CDK8: variants seen among roughly 807,000 people sequenced by gnomAD.
The protein encoded by CDK8 is cyclin-dependent kinase 8.
In CDK8, 29 loss-of-function variants were observed where a neutral mutation model predicts 71.5. The ratio of observed to expected loss-of-function variants is 0.41; its 90% CI spans 0.30 to 0.55. The LOEUF (loss-of-function observed/expected upper bound fraction) is 0.55, where lower values mean the gene tolerates loss of function less well. CDK8 is among the 20% of genes least tolerant of loss of function. The pLI, the probability that CDK8 is intolerant of heterozygous loss-of-function variation, is 0.37. For synonymous variants in CDK8, 161 were observed against 192.1 expected, an observed-to-expected ratio of 0.84 and a Z score of 1.34; for missense variants, 288 against 572.6, an observed-to-expected ratio of 0.50 and a Z score of 5.07.
chr13:26,324,889 C>A, intron 1 of CDK8: 1 of 359,134 alleles, frequency 2.8e-6, no homozygotes, highest in Non-Finnish European at 3.9e-6. Context: ...ATAACTGAAA[C>A]AGACAAGAAA....
At chr13:26,345,028 G>A (rs61076561) in intron 2 of CDK8, among the ~76,000 whole-genome samples, 5,374 of 152,246 alleles carry the variant, frequency 0.035, 307 homozygotes, top group African/African-American at 0.12. Flanking sequence ...ATACATGTAT[G>A]TATACCAGCA....
At chr13:26,263,938 G>A (rs142521132) in intron 1 of CDK8, among the ~76,000 whole-genome samples, 129 of 151,444 alleles carry the variant, frequency 8.5e-4, no homozygotes, top group African/African-American at 2.8e-3. Flanking sequence ...TAGTAGAGAC[G>A]GGGTTTCATC....
At chr13:26,366,706 T>A (rs1874404787) in intron 4 of CDK8, among the ~76,000 whole-genome samples, 1 of 152,180 alleles carries the variant, frequency 6.6e-6, no homozygotes, top group African/African-American at 2.4e-5. Context: ...TATTCTAATT[T>A]CCAGTCTTTT....
At chr13:26,370,846 A>G (rs1874630676) in intron 4 of CDK8, among the ~76,000 whole-genome samples, 1 of 152,238 alleles carries the variant, frequency 6.6e-6, no homozygotes, top group Admixed American at 6.5e-5. Context: ...AAATGTTTAT[A>G]ATGATCTAAC....
At chr13:26,319,851 G>C (rs896188919) in intron 1 of CDK8, among the ~76,000 whole-genome samples, 2 of 151,992 alleles carry the variant, frequency 1.3e-5, no homozygotes, top group South Asian at 2.1e-4. Flanking sequence ...AAAATAATAC[G>C]GTACTGGCAT....
chr13:26,363,850 T>C (rs1874260375), intron 4 of CDK8, among the ~76,000 whole-genome samples: 1 of 152,148 alleles, frequency 6.6e-6, no homozygotes, highest in Admixed American at 6.5e-5. Context: ...TCAAACTCAG[T>C]TTCATAGGGC....
At chr13:26,344,554 CAGG>C (rs1311530321) in intron 2 of CDK8, among the ~76,000 whole-genome samples, 1 of 152,066 alleles carries the variant, frequency 6.6e-6, no homozygotes, top group Non-Finnish European at 1.5e-5. Flanking sequence ...CACTGGAGGC[CAGG>C]AGTTCGAGAC....
rs1194544326 is a variant in CDK8, at chr13:26,404,095, C to G, written c.*14C>G. 1 of 1,613,398 alleles carries G rather than the reference C, an allele frequency of 6.2e-7. No individual in the cohort carries two copies. The highest frequency in any genetic ancestry group is 1.1e-5 in the South Asian group (1 of 91,018). ...CATCGGTACTGAGCTGCATCGGAAT[C>G]TTGTCCATGCACTGTTGCGAATGCT... On this transcript the variant is annotated 3_prime_UTR_variant, in exon 13 of 13. Transcript: ENST00000381527.
intron 4 of CDK8, among the ~76,000 whole-genome samples, chr13:26,374,200 C>CA (rs1411732740): frequency 1.1e-4 from 16 of 150,310 alleles, no homozygotes; most frequent in South Asian, 2.1e-4. Context: ...GACTCCATCT[C>CA]AAAAAAAAAT....
chr13:26,330,690 G>T (rs1008255632), intron 1 of CDK8, among the ~76,000 whole-genome samples: 1 of 151,190 alleles, frequency 6.6e-6, no homozygotes, highest in Non-Finnish European at 1.5e-5. Context: ...GTCTTTTCGC[G>T]TCTGGCTTAT....
chr13:26,367,778 C>T (rs888004351), intron 4 of CDK8, among the ~76,000 whole-genome samples: 2 of 152,150 alleles, frequency 1.3e-5, no homozygotes, highest in Non-Finnish European at 2.9e-5. Context: ...GTTAGCTCTT[C>T]CTTCAAAACA....
chr13:26,317,043 T>G (rs968813032), intron 1 of CDK8, among the ~76,000 whole-genome samples: 6 of 152,132 alleles, frequency 3.9e-5, no homozygotes, highest in Non-Finnish European at 7.4e-5. Context: ...ATGGAAATGG[T>G]ATCAAGTATG....
At chr13:26,272,431 C>T (rs1872373623) in intron 1 of CDK8, among the ~76,000 whole-genome samples, 2 of 152,182 alleles carry the variant, frequency 1.3e-5, no homozygotes, top group South Asian at 2.1e-4. Flanking sequence ...TCTTGTCCCC[C>T]TGGAAGGTCT....
At chr13:26,373,657 TTAAA>T (rs1365660671) in intron 4 of CDK8, among the ~76,000 whole-genome samples, 15 of 152,120 alleles carry the variant, frequency 9.9e-5, no homozygotes, top group African/African-American at 3.1e-4. Flanking sequence ...TTTGATAAGT[TTAAA>T]TAATGTTTCA....
intron 4 of CDK8, among the ~76,000 whole-genome samples, chr13:26,354,581 G>A (rs958969114): frequency 2.0e-5 from 3 of 152,094 alleles, no homozygotes; most frequent in East Asian, 3.9e-4. Context: ...CCTGAGCTCC[G>A]CCTCCTGTCA....
chr13:26,261,243 T>C (rs1420653445), intron 1 of CDK8, among the ~76,000 whole-genome samples: 2 of 152,222 alleles, frequency 1.3e-5, no homozygotes, highest in Non-Finnish European at 2.9e-5. Flanking sequence ...CCTTTACTGA[T>C]GGAGTTATGT....
intron 1 of CDK8, among the ~76,000 whole-genome samples, chr13:26,317,838 A>C (rs1874585221): frequency 1.3e-5 from 2 of 152,194 alleles, no homozygotes; most frequent in Admixed American, 1.3e-4. Context: ...TACCTTAAAA[A>C]ACAAGAAAGA....
intron 1 of CDK8, among the ~76,000 whole-genome samples, chr13:26,322,395 T>C (rs1874817025): frequency 6.6e-6 from 1 of 152,156 alleles, no homozygotes; most frequent in Non-Finnish European, 1.5e-5. Flanking sequence ...CTCCATCCAC[T>C]GTGACATATA....
chr13:26,316,440 C>G (rs946585919), intron 1 of CDK8, among the ~76,000 whole-genome samples: 1 of 152,028 alleles, frequency 6.6e-6, no homozygotes, highest in Non-Finnish European at 1.5e-5. Flanking sequence ...GTTGCAAACC[C>G]CTTTCCCTCC....
Sources: allele counts gnomAD v4.1 joint callset (sites outside exome capture counted in the v4.1 genomes callset), GRCh38; gene constraint gnomAD v4.1.1; transcripts MANE v1.5; gene names NCBI Gene and HGNC (gene_info 2026-07-23, HGNC 2026-07-21).